KLF12: variants seen among roughly 807,000 people sequenced by gnomAD.
KLF12 encodes the protein Krueppel-like factor 12.
KLF12 carries 9 observed loss-of-function variants against 37.8 expected under a neutral mutation model. The observed-to-expected ratio is 0.24, with a 90% CI of 0.14 to 0.42. The LOEUF is 0.42. KLF12 is among the 10% of genes least tolerant of loss of function. The probability of loss-of-function intolerance (pLI) is 1.00; values close to 1 mark genes in which losing one functional copy is unlikely to be tolerated. For synonymous variants in KLF12, 208 were observed against 202.1 expected (o/e 1.03, Z -0.25); for missense variants, 411 against 516.0 (o/e 0.80, Z 1.97).
At chr13:73,978,296 A>C (rs1239784421) in intron 2 of KLF12, among the ~76,000 whole-genome samples, 1 of 152,240 alleles carries the variant, frequency 6.6e-6, no homozygotes, top group African/African-American at 2.4e-5. Context: ...AAAATGTCCC[A>C]AAGACCTTAA....
chr13:74,199,569 CACACAA>C, the KLF12 span, among the ~76,000 whole-genome samples: 1 of 152,224 alleles, frequency 6.6e-6, no homozygotes, highest in African/African-American at 2.4e-5. Flanking sequence ...CAAATATTGG[CACACAA>C]ACAGAGTTAG....
At chr13:74,204,888 C>A in the KLF12 span, among the ~76,000 whole-genome samples, 2 of 152,204 alleles carry the variant, frequency 1.3e-5, no homozygotes, top group East Asian at 3.9e-4. Flanking sequence ...TAGTTTATTG[C>A]CACTATTGCA....
chr13:74,054,755 G>A (rs906043261), intron 1 of KLF12, among the ~76,000 whole-genome samples: 30 of 152,044 alleles, frequency 2.0e-4, no homozygotes, highest in Admixed American at 9.8e-4. Context: ...TCACTGGACC[G>A]TGTACTTTCC....
At chr13:74,082,146 A>C (rs1224041461) in intron 1 of KLF12, among the ~76,000 whole-genome samples, 1 of 124,372 alleles carries the variant, frequency 8.0e-6, no homozygotes, top group African/African-American at 2.9e-5. Flanking sequence ...TGGGCAACAT[A>C]GCAAGACCCT....
intron 5 of KLF12, among the ~76,000 whole-genome samples, chr13:73,799,770 T>A (rs941410384): frequency 2.0e-5 from 3 of 152,150 alleles, no homozygotes; most frequent in African/African-American, 7.2e-5. Flanking sequence ...ACTGTGCAAT[T>A]TAAAATTAGT....
At chr13:73,865,671 T>C (rs905503627) in intron 3 of KLF12, among the ~76,000 whole-genome samples, 4 of 152,016 alleles carry the variant, frequency 2.6e-5, no homozygotes, top group African/African-American at 9.7e-5. Context: ...GAGAAATAGA[T>C]AAGAAAAATA....
chr13:74,095,674 C>G lies in KLF12; in HGVS notation c.-32+38065G>C, dbSNP rs533519729. 2.6e-5 allele frequency among the ~76,000 whole-genome samples: 4 copies of G among 152,344 alleles called. No homozygotes were observed. The South Asian group carries it at 8.3e-4, about 32-fold the overall frequency. On this transcript the variant is annotated intron_variant, in intron 1 of 7. Coordinates refer to ENST00000377669, the MANE Select transcript of KLF12 (RefSeq NM_007249.5). The stretch of plus-strand genomic sequence containing the variant: ...AAATTGTTGGAATTATAGGCATGAG[C>G]TACTGTGCTCCACCTTTCATTGTAA...
At chr13:74,036,485 C>T (rs553721905) in intron 1 of KLF12, among the ~76,000 whole-genome samples, 1 of 152,314 alleles carries the variant, frequency 6.6e-6, no homozygotes, top group East Asian at 1.9e-4. Context: ...ACACAGTGCA[C>T]GCACAAACAC....
intron 3 of KLF12, among the ~76,000 whole-genome samples, chr13:73,915,782 T>C (rs1375997021): frequency 6.6e-6 from 1 of 151,234 alleles, no homozygotes; most frequent in Non-Finnish European, 1.5e-5. Context: ...TCCACCCGTC[T>C]TGGCCTCCTA....
At chr13:73,786,357 A>T (rs1881342869) in intron 5 of KLF12, among the ~76,000 whole-genome samples, 1 of 152,112 alleles carries the variant, frequency 6.6e-6, no homozygotes, top group South Asian at 2.1e-4. Context: ...TAGTTCAATA[A>T]CCATCAAGGG....
chr13:73,737,743 T>A (rs1203633596), intron 6 of KLF12, among the ~76,000 whole-genome samples: 1 of 152,122 alleles, frequency 6.6e-6, no homozygotes, highest in Admixed American at 6.5e-5. Context: ...CGAAACTGTC[T>A]CATTTAGGTA....
chr13:73,854,634 A>AC (rs1885511845), intron 3 of KLF12, among the ~76,000 whole-genome samples: 1 of 151,868 alleles, frequency 6.6e-6, no homozygotes, highest in Non-Finnish European at 1.5e-5. Context: ...TGGTTCCAGG[A>AC]CCCCCCTCCA....
chr13:73,801,958 T>C (rs769533832), intron 5 of KLF12: 2 of 152,050 alleles, frequency 1.3e-5, no homozygotes, highest in Non-Finnish European at 2.9e-5. Context: ...CAAGAGGTAA[T>C]AAATTCACAT....
At chr13:73,710,528 C>T (rs1252088508) in intron 7 of KLF12, among the ~76,000 whole-genome samples, 2 of 120,500 alleles carry the variant, frequency 1.7e-5, no homozygotes, top group African/African-American at 7.5e-5. Context: ...GGGTAATTGT[C>T]ACAATATTTC....
chr13:74,130,987 G>A (rs940725627), intron 1 of KLF12, among the ~76,000 whole-genome samples: 1 of 152,092 alleles, frequency 6.6e-6, no homozygotes, highest in African/African-American at 2.4e-5. Flanking sequence ...AAATGTCCAG[G>A]ACCTCTATAT....
chr13:74,171,976 A>G, the KLF12 span, among the ~76,000 whole-genome samples: 4 of 152,336 alleles, frequency 2.6e-5, no homozygotes, highest in African/African-American at 2.4e-5. Context: ...TTGGCCCACC[A>G]TTCTAATGAG....
At chr13:74,091,805 A>T (rs1454851024) in intron 1 of KLF12, among the ~76,000 whole-genome samples, 1 of 152,138 alleles carries the variant, frequency 6.6e-6, no homozygotes, top group Non-Finnish European at 1.5e-5. Flanking sequence ...ATCCTAATGT[A>T]CACTATTTAT....
At chr13:74,073,831 G>A (rs1175090200) in intron 1 of KLF12, among the ~76,000 whole-genome samples, 1 of 152,128 alleles carries the variant, frequency 6.6e-6, no homozygotes, top group Non-Finnish European at 1.5e-5. Context: ...CTAAGAGCAC[G>A]GGGCATGCTA....
chr13:74,283,078 CT>C, the KLF12 span, among the ~76,000 whole-genome samples: 1 of 152,166 alleles, frequency 6.6e-6, no homozygotes, highest in African/African-American at 2.4e-5. Context: ...CAATATTTCT[CT>C]ACCTTAAAAA....
Sources: gnomAD v4.1 joint callset for allele counts (sites outside exome capture counted in the v4.1 genomes callset) on GRCh38, gnomAD v4.1.1 for gene constraint, MANE v1.5 for transcripts, NCBI Gene and HGNC (gene_info 2026-07-23, HGNC 2026-07-21) for gene names.